The following NKAIN2 variants were observed in gnomAD, a reference collection of about 807,000 sequenced individuals.
NKAIN2 encodes the protein sodium/potassium-transporting ATPase subunit beta-1-interacting protein 2.
NKAIN2 carries 14 observed loss-of-function variants against 32.6 expected under a neutral mutation model. The observed-to-expected ratio is 0.43, with a 90% confidence interval of 0.28 to 0.67. The LOEUF is 0.67. Ranked by LOEUF, NKAIN2 falls within the 30% of genes least tolerant of loss-of-function variation. NKAIN2 has a pLI of 0.17. For missense variants in NKAIN2, 198 were observed against 258.3 expected, an observed-to-expected ratio of 0.77 and a Z score of 1.60; for synonymous variants, 80 against 87.2, an observed-to-expected ratio of 0.92 and a Z score of 0.46.
chr6:124,439,730 T>TG (rs1334166880), intron 3 of NKAIN2, among the ~76,000 whole-genome samples: 1 of 151,992 alleles, frequency 6.6e-6, no homozygotes, highest in Non-Finnish European at 1.5e-5. Context: ...ACAAGCCTTG[T>TG]TTATCACATG....
chr6:123,895,020 G>C (rs1774203999), intron 1 of NKAIN2, among the ~76,000 whole-genome samples: 1 of 151,930 alleles, frequency 6.6e-6, no homozygotes. Context: ...TATAGGGATT[G>C]ATGGGTTTCT....
At chr6:124,282,866 TGTTA>T (rs1718187635) in intron 1 of NKAIN2, 135 bp from the exon 2 acceptor site, 7 of 713,210 alleles carry the variant, frequency 9.8e-6, no homozygotes, top group Middle Eastern at 2.5e-4. Context: ...TCATTCTCGC[TGTTA>T]GTTAAAGACA....
intron 3 of NKAIN2, among the ~76,000 whole-genome samples, chr6:124,405,813 A>G (rs919198286): frequency 1.3e-5 from 2 of 152,210 alleles, no homozygotes; most frequent in Non-Finnish European, 2.9e-5. Flanking sequence ...CATTGCCTGG[A>G]TTCGGAAATA....
At chr6:123,896,511 A>G (rs1774286825) in intron 1 of NKAIN2, among the ~76,000 whole-genome samples, 1 of 152,344 alleles carries the variant, frequency 6.6e-6, no homozygotes, top group Admixed American at 6.5e-5. Flanking sequence ...AAGAAAGAAG[A>G]GAACTAATAT....
chr6:124,394,666 A>C (rs1042073640), intron 3 of NKAIN2, among the ~76,000 whole-genome samples: 11 of 151,986 alleles, frequency 7.2e-5, no homozygotes, highest in Admixed American at 2.6e-4. Context: ...AAAAAAAAAA[A>C]AACAGTGTCC....
chr6:124,355,400 T>G, intron 3 of NKAIN2, 53 bp downstream of exon 3: 1 of 997,162 alleles, frequency 1.0e-6, no homozygotes, highest in Non-Finnish European at 1.6e-6. Context: ...ACAAGTCTCT[T>G]CCTAAGTAAG....
At chr6:124,370,489 G>C (rs1232515064) in intron 3 of NKAIN2, among the ~76,000 whole-genome samples, 2 of 151,934 alleles carry the variant, frequency 1.3e-5, no homozygotes, top group Admixed American at 6.6e-5. Flanking sequence ...ACCTGCTAGA[G>C]GAATGAGTCT....
At chr6:124,512,991 A>G (rs1293547926) in intron 3 of NKAIN2, among the ~76,000 whole-genome samples, 1 of 152,130 alleles carries the variant, frequency 6.6e-6, no homozygotes, top group Non-Finnish European at 1.5e-5. Flanking sequence ...AAAAAAAATT[A>G]CCAAAATGAC....
chr6:124,475,636 T>C (rs1336720696), intron 3 of NKAIN2, among the ~76,000 whole-genome samples: 1 of 152,188 alleles, frequency 6.6e-6, no homozygotes, highest in African/African-American at 2.4e-5. Context: ...TGCACAGCTC[T>C]GTAACTAGAC....
At chr6:123,837,233 A>G (rs561264415) in intron 1 of NKAIN2, among the ~76,000 whole-genome samples, 39 of 152,054 alleles carry the variant, frequency 2.6e-4, no homozygotes, top group African/African-American at 8.9e-4. Context: ...TCATTTAGAA[A>G]TGTGTTATTA....
chr6:124,563,845 A>C (rs1780797147), intron 3 of NKAIN2, among the ~76,000 whole-genome samples: 1 of 152,100 alleles, frequency 6.6e-6, no homozygotes, highest in Non-Finnish European at 1.5e-5. Flanking sequence ...GGAAAGTGAC[A>C]GTAGGGCTTC....
chr6:124,138,934 A>G (rs1004786186), intron 1 of NKAIN2, among the ~76,000 whole-genome samples: 1 of 151,184 alleles, frequency 6.6e-6, no homozygotes, highest in Admixed American at 6.6e-5. Context: ...GGAATGGTGA[A>G]GAGGGATGAG....
intron 4 of NKAIN2, among the ~76,000 whole-genome samples, chr6:124,759,651 ACACACC>A (rs200831072): frequency 0.055 from 3,922 of 71,826 alleles, 487 homozygotes; most frequent in South Asian, 0.095. Flanking sequence ...ACACACACAC[ACACACC>A]CCCTATCTCC....
At chr6:124,610,008 C>CTATATAGTAAAGTAT (rs1358970267) in intron 3 of NKAIN2, among the ~76,000 whole-genome samples, 7 of 152,084 alleles carry the variant, frequency 4.6e-5, no homozygotes, top group African/African-American at 9.7e-5. Context: ...ATATAGTAAA[C>CTATATAGTAAAGTAT]ACAGTGTAGT....
intron 1 of NKAIN2, among the ~76,000 whole-genome samples, chr6:124,060,304 G>A (rs563347670): frequency 2.0e-5 from 3 of 152,284 alleles, no homozygotes; most frequent in East Asian, 1.9e-4. Context: ...CTCAGAGCAC[G>A]TGTAAACCAG....
In NKAIN2 at chr6:124,817,852, G is replaced by A. The variant is rs149375113; in HGVS notation, c.536-535G>A. The stretch of plus-strand genomic sequence containing the variant: ...ATGTTTACCTCTGATTGTTTAAGAT[G>A]GTAAACCACATTTGGCAGGGACAGC... On this transcript the variant is annotated intron_variant, in intron 5 of 6. Coordinates refer to ENST00000368417, the MANE Select transcript of NKAIN2 (RefSeq NM_001040214.3). 3.9e-3 allele frequency among the ~76,000 whole-genome samples: 590 copies of A among 152,230 alleles called. 9 individuals are homozygous for A. The highest frequency in any genetic ancestry group is 0.014 in the African/African-American group (569 of 41,552).
chr6:123,997,833 G>C (rs1779696631), intron 1 of NKAIN2, among the ~76,000 whole-genome samples: 1 of 151,976 alleles, frequency 6.6e-6, no homozygotes, highest in South Asian at 2.1e-4. Flanking sequence ...TCGATCTTCT[G>C]ACCTCGTGAT....
chr6:124,691,953 G>T (rs1169937556), intron 4 of NKAIN2, among the ~76,000 whole-genome samples: 1 of 152,110 alleles, frequency 6.6e-6, no homozygotes, highest in Non-Finnish European at 1.5e-5. Flanking sequence ...AGTACACTGT[G>T]ATTTCTTCAT....
chr6:124,809,994 G>A (rs1187320874), intron 5 of NKAIN2, among the ~76,000 whole-genome samples: 6 of 152,198 alleles, frequency 3.9e-5, no homozygotes, highest in Non-Finnish European at 7.4e-5. Flanking sequence ...ACAGGTGCTT[G>A]AGAGGATGTG....
Sources: allele counts gnomAD v4.1 joint callset (sites outside exome capture counted in the v4.1 genomes callset), GRCh38; gene constraint gnomAD v4.1.1; transcripts MANE v1.5; gene names NCBI Gene and HGNC (gene_info 2026-07-23, HGNC 2026-07-21).